Variants in TMPRSS9 observed in about 807,000 individuals in gnomAD.
The protein encoded by TMPRSS9 is transmembrane serine protease 9.
Under a neutral mutation model 111.4 loss-of-function variants are expected in TMPRSS9, and 113 were observed. The observed-to-expected ratio is 1.01, with a 90% CI of 0.87 to 1.19. The LOEUF is 1.19. Ranked by LOEUF, TMPRSS9 falls within the 50% of genes most tolerant of loss-of-function variation. The pLI is 0.00. For synonymous variants in TMPRSS9, 805 were observed against 659.1 expected, an observed-to-expected ratio of 1.22 and a Z score of -3.39; for missense variants, 1,803 against 1,513.1, an observed-to-expected ratio of 1.19 and a Z score of -3.18.
chr19:2,377,293 A>G (rs77517313), intron 1 of TMPRSS9, among the ~76,000 whole-genome samples: 41 of 65,094 alleles, frequency 6.3e-4, no homozygotes, highest in African/African-American at 2.2e-3. Flanking sequence ...ATGTATGTAT[A>G]TATGTATGTA....
chr19:2,379,651 TTCTTTCTTTCTTTCTTTCTTTCTTTC>T (rs1230010247), intron 1 of TMPRSS9, among the ~76,000 whole-genome samples: 9 of 149,548 alleles, frequency 6.0e-5, no homozygotes, highest in African/African-American at 2.2e-4. Flanking sequence ...CTTTCTTTCT[TTCTTTCTTTCTTTCTTTCTTTCTTTC>T]TCTTTTTCTT....
exon 16 of TMPRSS9, chr19:2,425,093 A>G (rs1163987730): frequency 2.5e-5 from 40 of 1,582,192 alleles, no homozygotes; most frequent in Non-Finnish European, 3.4e-5. Context: ...GCGCATCTAC[A>G]AGCACCCGTT....
intron 1 of TMPRSS9, among the ~76,000 whole-genome samples, chr19:2,383,512 A>C (rs1243580889): frequency 1.3e-5 from 2 of 150,596 alleles, no homozygotes; most frequent in African/African-American, 4.9e-5. Flanking sequence ...GATTTTTAAA[A>C]TTTTCTTAGA....
chr19:2,421,759 G>T, intron 13 of TMPRSS9, 95 bp from the exon 15 acceptor site: 1 of 1,393,548 alleles, frequency 7.2e-7, no homozygotes, highest in Non-Finnish European at 9.7e-7. Flanking sequence ...CGCCCTCGAT[G>T]GCTCCCACCC....
rs1555676515 is a variant in TMPRSS9, at chr19:2,379,615, C to CTCTTTCTTTCTTTCTTTCTATCTTTCTT, written c.-25-10127_-25-10126insATCTTTCTTTCTTTCTTTCTTTCTTTCT. 2.4e-3 allele frequency among the ~76,000 whole-genome samples: 287 copies of CTCTTTCTTTCTTTCTTTCTATCTTTCTT among 118,612 alleles called. 6 individuals are homozygous for CTCTTTCTTTCTTTCTTTCTATCTTTCTT. The highest frequency in any genetic ancestry group is 8.6e-3 in the African/African-American group (272 of 31,446). The allele number at this position is 118,612 out of a possible 152,430, so 77.8% of individuals were successfully genotyped here. ...GACATTCCCTAAACTAACTTTCTTT[C>CTCTTTCTTTCTTTCTTTCTATCTTTCTT]TCTTTCTTTCTTTCTTTCTTTCTTT... On this transcript the variant is annotated intron_variant, in intron 1 of 17. Coordinates refer to the TMPRSS9 transcript ENST00000649857.
At chr19:2,406,493 AT>A (rs112935402) in intron 7 of TMPRSS9, among the ~76,000 whole-genome samples, 52,521 of 144,230 alleles carry the variant, frequency 0.36, 10,501 homozygotes, top group African/African-American at 0.57. Context: ...TGCCTGGCTA[AT>A]TTTTTTTTTT....
chr19:2,393,061 A>ACCAATCAGCGCTCTGTAAAATGGG, intron 1 of TMPRSS9, among the ~76,000 whole-genome samples: 2 of 152,152 alleles, frequency 1.3e-5, no homozygotes, highest in Non-Finnish European at 2.9e-5. Context: ...TGTAAAATGG[A>ACCAATCAGCGCTCTGTAAAATGGG]CCAATCAGCG....
intron 1 of TMPRSS9, among the ~76,000 whole-genome samples, chr19:2,362,528 T>C (rs1390664848): frequency 1.3e-5 from 2 of 151,980 alleles, no homozygotes; most frequent in African/African-American, 4.8e-5. Context: ...ATGATGAGAA[T>C]TGCATGATTT....
chr19:2,395,734 G>A (rs1599290651), intron 1 of TMPRSS9, among the ~76,000 whole-genome samples: 1 of 152,014 alleles, frequency 6.6e-6, no homozygotes. Flanking sequence ...CAGGCCGGGT[G>A]TGGTGGCTCA....
Position 2,426,172 on chromosome 19 carries a change from T to C in TMPRSS9, c.*84T>C, listed in dbSNP as rs1971625641. 3 of 1,087,998 alleles carry C rather than the reference T, an allele frequency of 2.8e-6. No individual in the cohort carries two copies. In the East Asian group the frequency reaches 1.3e-4, roughly 46 times the overall value. The allele number at this position is 1,087,998 out of a possible 1,614,324, so 67.4% of individuals were successfully genotyped here. ...CCCAACACCCCACCCCACCGTACCCTACCCAAGGACGGGTGTGGGGGGGCT... is the reference window on the plus strand; with the variant it reads ...CCCAACACCCCACCCCACCGTACCCCACCCAAGGACGGGTGTGGGGGGGCT... On this transcript the variant is annotated 3_prime_UTR_variant, in exon 18 of 18. Coordinates refer to ENST00000648592, the Ensembl canonical transcript of TMPRSS9.
chr19:2,424,243 G>A (rs779240508), exon 15 of TMPRSS9: 4 of 1,397,860 alleles, frequency 2.9e-6, no homozygotes, highest in Non-Finnish European at 3.8e-6. Context: ...TGTCGGCGGC[G>A]CACTGCTTCG....
At chr19:2,395,746 G>A (rs1452954854) in intron 1 of TMPRSS9, among the ~76,000 whole-genome samples, 1 of 152,008 alleles carries the variant, frequency 6.6e-6, no homozygotes, top group African/African-American at 2.4e-5. Flanking sequence ...GGTGGCTCAC[G>A]CCTGTAATCT....
exon 14 of TMPRSS9, chr19:2,422,055 GCCA>G: frequency 6.2e-7 from 1 of 1,611,822 alleles, no homozygotes; most frequent in Non-Finnish European, 8.5e-7. Context: ...AAGGATGCTG[GCCA>G]CCACCAGCCC....
intron 1 of TMPRSS9, among the ~76,000 whole-genome samples, chr19:2,361,465 T>A (rs985038880): frequency 2.0e-5 from 3 of 151,896 alleles, no homozygotes; most frequent in Admixed American, 6.5e-5. Flanking sequence ...CGGAGCCGCT[T>A]CTGAGTAAAC....
chr19:2,425,956 G>A, exon 18 of TMPRSS9: 1 of 1,602,764 alleles, frequency 6.2e-7, no homozygotes, highest in Non-Finnish European at 8.5e-7. Context: ...TGGCCTGCAG[G>A]GAGCCCTCTG....
Position 2,425,396 on chromosome 19 carries a change from T to G in TMPRSS9, c.3023T>G (p.Leu1008Arg), listed in dbSNP as rs754651582. The G allele has an allele frequency of 4.1e-5, 64 of 1,560,978 alleles. No homozygotes were observed. In the Admixed American group the frequency reaches 5.6e-4, roughly 14 times the overall value. The change falls in exon 17 of 18, where the codon CTC (leucine) becomes CGC (arginine). Residue 1008 changes from leucine (L) to arginine (R), a missense_variant. Physicochemically the swap from Leu to Arg is moderately radical, Grantham distance 102. Coordinates refer to ENST00000648592, the Ensembl canonical transcript of TMPRSS9. ...CAGCTGCAGAAGGCGGCCGTGCGCC[T>G]CCTCAGCGAGCAGACCTGCCGCCGC... is the stretch of plus-strand genomic sequence containing the variant.
At chr19:2,379,661 CTTTCTTTCTTTCTTTCTCTT>C (rs1440269997) in intron 1 of TMPRSS9, among the ~76,000 whole-genome samples, 3 of 148,910 alleles carry the variant, frequency 2.0e-5, no homozygotes, top group Non-Finnish European at 4.4e-5. Context: ...TTCTTTCTTT[CTTTCTTTCTTTCTTTCTCTT>C]TTTCTTTCTT....
In TMPRSS9 at chr19:2,425,368, C is replaced by T. The variant is rs201826994; in HGVS notation, c.2995C>T (p.Arg999Trp). Residue 999 changes from arginine (R) to tryptophan (W), a missense_variant, in exon 17 of 18, where the codon CGG becomes TGG. Transcript: ENST00000648592. ...TCGCCCGCCCGCAGGCTCCATGGCG[C>T]GGCAGCTGCAGAAGGCGGCCGTGCG... 181 of 1,524,626 alleles carry T rather than the reference C, an allele frequency of 1.2e-4. No individual in the cohort carries two copies. In the African/African-American group the frequency reaches 1.9e-3, roughly 16 times the overall value. The allele number at this position is 1,524,626 out of a possible 1,614,324, so 94.4% of individuals were successfully genotyped here.
At chr19:2,371,909 C>G (rs1020503626) in intron 1 of TMPRSS9, among the ~76,000 whole-genome samples, 1 of 152,118 alleles carries the variant, frequency 6.6e-6, no homozygotes, top group East Asian at 1.9e-4. Flanking sequence ...GGAGGCTGGT[C>G]GAGCCACAGG....
Sources: allele counts gnomAD v4.1 joint callset (sites outside exome capture counted in the v4.1 genomes callset), GRCh38; gene constraint gnomAD v4.1.1; transcripts MANE v1.5; gene names NCBI Gene and HGNC (gene_info 2026-07-23, HGNC 2026-07-21).